The following NAV2 variants were observed in gnomAD, a reference collection of about 807,000 sequenced individuals.
NAV2 encodes helicase, APC down-regulated 1.
Under a neutral mutation model 223.2 loss-of-function variants are expected in NAV2, and 54 were observed. That is an observed-to-expected ratio of 0.24 (90% CI 0.19 to 0.30). The LOEUF is 0.30. Among genes scored for constraint, NAV2 ranks in the 10% least tolerant of loss-of-function variants. NAV2 has a pLI of 1.00. For missense variants in NAV2, 2,806 were observed against 3,147.5 expected (o/e 0.89, Z 2.60); for synonymous variants, 1,279 against 1,239.3 (o/e 1.03, Z -0.67).
rs139622849 is a variant in NAV2 at position 19,970,743 on chromosome 11, C to T, written c.2646-13382C>T. On this transcript the variant is annotated intron_variant, in intron 10 of 37. Transcript: ENST00000349880. ...AGACAGAAAAAGGATTTATTGAACA[C>T]ACAAATACATTTAAATGAAAAAAAC... 4.7e-4 allele frequency among the ~76,000 whole-genome samples: 71 copies of T among 152,256 alleles called. 1 individual carries two copies. In the Middle Eastern group the frequency reaches 0.027, roughly 58 times the overall value.
At chr11:20,111,114 T>C (rs1049693795) in intron 36 of NAV2, among the ~76,000 whole-genome samples, 31 of 152,212 alleles carry the variant, frequency 2.0e-4, no homozygotes, top group African/African-American at 6.8e-4. Flanking sequence ...GCAGATGCAC[T>C]TGTGGAACTG....
intron 1 of NAV2, among the ~76,000 whole-genome samples, chr11:19,357,543 G>A (rs1199382871): frequency 1.3e-5 from 2 of 152,066 alleles, no homozygotes; most frequent in African/African-American, 2.4e-5. Context: ...CTTATCATAT[G>A]TTTCCCTTGC....
chr11:19,664,853 C>T (rs2048369067), intron 1 of NAV2, among the ~76,000 whole-genome samples: 1 of 152,206 alleles, frequency 6.6e-6, no homozygotes. Context: ...ATGTGCTAGA[C>T]ATATTTATAT....
intron 11 of NAV2, among the ~76,000 whole-genome samples, chr11:20,008,736 C>CA (rs2053303126): frequency 6.8e-6 from 1 of 147,158 alleles, no homozygotes; most frequent in Admixed American, 6.7e-5. Flanking sequence ...TTCCTCAGAC[C>CA]TTTTTTTTTT....
At chr11:20,052,543 G>C (rs993040455) in intron 17 of NAV2, among the ~76,000 whole-genome samples, 1 of 152,180 alleles carries the variant, frequency 6.6e-6, no homozygotes, top group South Asian at 2.1e-4. Context: ...TGCCCTGAGA[G>C]AAAGCTAACT....
At chr11:19,582,487 T>G (rs2045751783) in intron 1 of NAV2, among the ~76,000 whole-genome samples, 14 of 150,336 alleles carry the variant, frequency 9.3e-5, no homozygotes, top group South Asian at 2.1e-4. Context: ...TCTAGGGTTT[T>G]TATGGTTTTA....
At chr11:20,110,841 C>G (rs916107114) in intron 36 of NAV2, among the ~76,000 whole-genome samples, 2 of 152,150 alleles carry the variant, frequency 1.3e-5, no homozygotes, top group Non-Finnish European at 2.9e-5. Flanking sequence ...ATGAAGTGAG[C>G]ACATTGCAGT....
intron 1 of NAV2, among the ~76,000 whole-genome samples, chr11:19,572,325 G>A (rs377753964): frequency 8.5e-5 from 13 of 152,198 alleles, no homozygotes; most frequent in African/African-American, 1.4e-4. Context: ...TTTGGCAGAC[G>A]GGGAAACTGA....
At chr11:19,671,790 C>G (rs115717724) in intron 1 of NAV2, among the ~76,000 whole-genome samples, 2 of 152,314 alleles carry the variant, frequency 1.3e-5, no homozygotes, top group South Asian at 2.1e-4. Flanking sequence ...AGGGGCCAGA[C>G]GAAAACAGGC....
chr11:19,646,950 T>A (rs2047832493), intron 1 of NAV2, among the ~76,000 whole-genome samples: 1 of 152,106 alleles, frequency 6.6e-6, no homozygotes, highest in Admixed American at 6.6e-5. Context: ...ATACTCCCTC[T>A]CCTAGGCCTC....
intron 1 of NAV2, among the ~76,000 whole-genome samples, chr11:19,541,707 G>A (rs1040067646): frequency 6.6e-6 from 1 of 152,188 alleles, no homozygotes; most frequent in Non-Finnish European, 1.5e-5. Flanking sequence ...CATGCCACAT[G>A]CCAAAATGAC....
At chr11:19,894,387 C>A (rs963417054) in intron 6 of NAV2, among the ~76,000 whole-genome samples, 2 of 152,150 alleles carry the variant, frequency 1.3e-5, no homozygotes, top group African/African-American at 4.8e-5. Flanking sequence ...CCTCTCCTCG[C>A]GGGCCAGTCT....
intron 10 of NAV2, among the ~76,000 whole-genome samples, chr11:19,971,162 C>G (rs1591480136): frequency 6.6e-6 from 1 of 152,128 alleles, no homozygotes; most frequent in Admixed American, 6.5e-5. Context: ...TGTGTCATGT[C>G]TGGCCCCACA....
chr11:19,618,081 G>A (rs2046852567), intron 1 of NAV2, among the ~76,000 whole-genome samples: 1 of 152,148 alleles, frequency 6.6e-6, no homozygotes, highest in Admixed American at 6.5e-5. Context: ...ACTGTTTGTT[G>A]TCTTTCATTC....
chr11:20,062,752 T>A (rs2058785656), intron 20 of NAV2, among the ~76,000 whole-genome samples: 1 of 152,270 alleles, frequency 6.6e-6, no homozygotes, highest in African/African-American at 2.4e-5. Context: ...TGGAATGCAG[T>A]GGCTTGATCT....
intron 1 of NAV2, among the ~76,000 whole-genome samples, chr11:19,775,319 T>C (rs1457583801): frequency 6.6e-6 from 1 of 152,220 alleles, no homozygotes; most frequent in Non-Finnish European, 1.5e-5. Context: ...TCTTCAGAAA[T>C]GTGTGTAGAG....
At chr11:19,986,029 G>A (rs1022511651) in intron 11 of NAV2, among the ~76,000 whole-genome samples, 2 of 152,132 alleles carry the variant, frequency 1.3e-5, no homozygotes, top group African/African-American at 2.4e-5. Context: ...TCTTCTATCC[G>A]TTGTTTAGTA....
At chr11:19,637,332 C>A (rs932587231) in intron 1 of NAV2, among the ~76,000 whole-genome samples, 1 of 152,200 alleles carries the variant, frequency 6.6e-6, no homozygotes, top group Non-Finnish European at 1.5e-5. Context: ...CCTTCCCTAG[C>A]TGCTGATCTT....
intron 1 of NAV2, among the ~76,000 whole-genome samples, chr11:19,717,443 A>G (rs543500104): frequency 5.3e-5 from 8 of 152,354 alleles, no homozygotes; most frequent in East Asian, 3.9e-4. Flanking sequence ...GAGACAGAAG[A>G]TGAGCTGAAT....
Sources: gnomAD v4.1 joint callset for allele counts (sites outside exome capture counted in the v4.1 genomes callset) on GRCh38, gnomAD v4.1.1 for gene constraint, MANE v1.5 for transcripts, NCBI Gene and HGNC (gene_info 2026-07-23, HGNC 2026-07-21) for gene names.